The following DMD variants were observed in gnomAD, a reference collection of about 807,000 sequenced individuals.
The protein encoded by DMD is mutant dystrophin.
Under a neutral mutation model 330.1 loss-of-function variants are expected in DMD, and 63 were observed. That is an observed-to-expected ratio of 0.19 (90% CI 0.16 to 0.24). The LOEUF is 0.24. DMD is among the 10% of genes least tolerant of loss of function. DMD has a pLI of 1.00. For missense variants in DMD, 3,344 were observed against 2,684.1 expected (o/e 1.25, Z -5.43); for synonymous variants, 1,223 against 959.8 (o/e 1.27, Z -5.07).
intron 59 of DMD, 129 bp downstream of exon 59, chrX:31,477,977 C>G (rs745370711): frequency 4.7e-4 from 340 of 726,070 alleles, no homozygotes; most frequent in Non-Finnish European, 6.1e-4. Flanking sequence ...TGAATGAAGA[C>G]TGAATTTGTG....
intron 4 of DMD, among the ~76,000 whole-genome samples, chrX:32,836,038 ATTTTTTT>A (rs201112620): frequency 9.6e-6 from 1 of 103,959 alleles, no homozygotes; most frequent in East Asian, 3.2e-4. Flanking sequence ...TCAAAAAAAA[ATTTTTTT>A]TTTTGGAGAC....
At chrX:32,201,366 G>T (rs768345627) in intron 44 of DMD, among the ~76,000 whole-genome samples, 72 of 109,580 alleles carry the variant, frequency 6.6e-4, no homozygotes, top group African/African-American at 2.3e-3. Flanking sequence ...CAAAACTGTG[G>T]ATATTTTGTT....
At chrX:32,340,570 G>A (rs191463341) in intron 41 of DMD, among the ~76,000 whole-genome samples, 2 of 111,521 alleles carry the variant, frequency 1.8e-5, no homozygotes, top group African/African-American at 3.2e-5. Flanking sequence ...AGTTTGTAAC[G>A]AATTTTAAAC....
chrX:32,426,812 T>C (rs983218437), intron 29 of DMD, among the ~76,000 whole-genome samples: 1 of 111,158 alleles, frequency 9.0e-6, no homozygotes, highest in African/African-American at 3.3e-5. Flanking sequence ...TGCAGGAACA[T>C]GGAGGGAGCT....
At chrX:32,062,083 T>C (rs774203545) in intron 44 of DMD, among the ~76,000 whole-genome samples, 1 of 111,127 alleles carries the variant, frequency 9.0e-6, no homozygotes, top group African/African-American at 3.3e-5. Flanking sequence ...CTGGAAAATA[T>C]GTGTACACAT....
chrX:31,547,882 A>T (rs968886381), intron 55 of DMD, among the ~76,000 whole-genome samples: 1 of 112,012 alleles, frequency 8.9e-6, no homozygotes, highest in African/African-American at 3.2e-5. Context: ...GGAACCTTGG[A>T]AAGAGCCCAT....
intron 44 of DMD, among the ~76,000 whole-genome samples, chrX:31,985,819 G>A (rs1038093910): frequency 8.9e-6 from 1 of 111,759 alleles, no homozygotes; most frequent in African/African-American, 3.3e-5. Flanking sequence ...TAATGATAAC[G>A]GAGACTAATA....
intron 1 of DMD, among the ~76,000 whole-genome samples, chrX:33,321,562 T>A (rs1283921740): frequency 1.8e-5 from 2 of 111,989 alleles, no homozygotes; most frequent in Non-Finnish European, 3.8e-5. Flanking sequence ...TAAGTCTATT[T>A]AGCATAATTC....
intron 5 of DMD, among the ~76,000 whole-genome samples, chrX:32,819,688 G>A (rs1441663455): frequency 1.8e-5 from 2 of 110,432 alleles, no homozygotes; most frequent in Non-Finnish European, 3.8e-5. Flanking sequence ...AACATAGTAT[G>A]TTGCATTAGA....
At chrX:31,670,108 T>A in intron 53 of DMD, among the ~76,000 whole-genome samples, 1 of 112,057 alleles carries the variant, frequency 8.9e-6, no homozygotes, top group Non-Finnish European at 1.9e-5. Context: ...TATTCATTTT[T>A]AATGTATAAA....
intron 44 of DMD, among the ~76,000 whole-genome samples, chrX:32,165,811 T>C (rs925369715): frequency 2.1e-4 from 23 of 111,146 alleles, no homozygotes; most frequent in South Asian, 1.6e-3. Context: ...GTGGAGGTAA[T>C]TGAATCATGG....
chrX:32,501,624 AACAT>A, intron 19 of DMD, 127 bp downstream of exon 19: 1 of 519,437 alleles, frequency 1.9e-6, no homozygotes, highest in East Asian at 3.7e-5. Flanking sequence ...AATAATAAAA[AACAT>A]ACAAACACCT....
At chrX:31,632,497 T>A (rs2079185986) in intron 54 of DMD, among the ~76,000 whole-genome samples, 1 of 112,044 alleles carries the variant, frequency 8.9e-6, no homozygotes, top group Admixed American at 9.5e-5. Context: ...TAAATAACAC[T>A]TTCACTATGG....
chrX:32,682,095 G>A (rs2062468918), intron 9 of DMD, among the ~76,000 whole-genome samples: 1 of 111,534 alleles, frequency 9.0e-6, no homozygotes, highest in Admixed American at 9.5e-5. Flanking sequence ...TGGTGTTTTG[G>A]ATTTTCTTCC....
chrX:32,227,270 T>TGC (rs1174697667), intron 43 of DMD, among the ~76,000 whole-genome samples: 1 of 7,763 alleles, frequency 1.3e-4, no homozygotes, highest in Non-Finnish European at 2.5e-4. Context: ...TAAGCATATA[T>TGC]ATATATATAT....
chrX:31,306,619 A>G (rs1372308247), intron 62 of DMD, among the ~76,000 whole-genome samples: 2 of 111,945 alleles, frequency 1.8e-5, no homozygotes, highest in Admixed American at 9.5e-5. Context: ...GTTTTGTAAT[A>G]CACATATTTA....
chrX:32,727,804 T>TTTTA (rs59528227), intron 7 of DMD, among the ~76,000 whole-genome samples: 5 of 111,210 alleles, frequency 4.5e-5, no homozygotes, highest in Non-Finnish European at 9.4e-5. Flanking sequence ...TCCAATTCAC[T>TTTTA]TTTATTTACC....
intron 2 of DMD, among the ~76,000 whole-genome samples, chrX:32,919,587 C>T (rs1204142274): frequency 9.0e-6 from 1 of 111,698 alleles, no homozygotes; most frequent in Non-Finnish European, 1.9e-5. Flanking sequence ...ATTTTATTTA[C>T]TCTTCAAAGA....
At chrX:33,285,039 A>G (rs1168714164) in intron 1 of DMD, among the ~76,000 whole-genome samples, 3 of 110,998 alleles carry the variant, frequency 2.7e-5, no homozygotes, top group African/African-American at 9.8e-5. Context: ...TAACAACAGG[A>G]TTTTGGTTCA....
Sources: allele counts gnomAD v4.1 joint callset (sites outside exome capture counted in the v4.1 genomes callset), GRCh38; gene constraint gnomAD v4.1.1; transcripts MANE v1.5; gene names NCBI Gene and HGNC (gene_info 2026-07-23, HGNC 2026-07-21).